The following TMEM135 variants were observed in gnomAD, a reference collection of about 807,000 sequenced individuals.
The protein encoded by TMEM135 is peroxisomal membrane protein 52.
A neutral mutation model predicts 60.3 loss-of-function variants in TMEM135; 30 were observed. The ratio of observed to expected loss-of-function variants is 0.50; its 90% CI spans 0.37 to 0.68. TMEM135 has a LOEUF of 0.68. TMEM135 is among the 30% of genes least tolerant of loss of function. TMEM135 has a pLI of 0.00. For missense variants in TMEM135, 468 were observed against 548.8 expected (o/e 0.85, Z 1.47); for synonymous variants, 190 against 186.7 (o/e 1.02, Z -0.14).
chr11:87,073,672 ATTTTT>A (rs762258659), intron 3 of TMEM135, among the ~76,000 whole-genome samples: 4 of 146,854 alleles, frequency 2.7e-5, no homozygotes, highest in Admixed American at 1.4e-4. Flanking sequence ...TGTTTATTTT[ATTTTT>A]TTTTTTTTGA....
intron 11 of TMEM135, 112 bp from the exon 12 acceptor site, chr11:87,314,359 G>A: frequency 3.5e-6 from 3 of 867,668 alleles, no homozygotes; most frequent in Admixed American, 2.0e-5. Flanking sequence ...CCTTGATTGT[G>A]TTGTAACAAG....
At chr11:87,132,320 T>C (rs1937956032) in intron 4 of TMEM135, among the ~76,000 whole-genome samples, 1 of 152,314 alleles carries the variant, frequency 6.6e-6, no homozygotes, top group East Asian at 1.9e-4. Context: ...AAGGCAGTGA[T>C]TGGCACATAG....
intron 2 of TMEM135, among the ~76,000 whole-genome samples, chr11:87,071,083 C>T (rs1196158195): frequency 1.3e-5 from 2 of 152,150 alleles, no homozygotes; most frequent in East Asian, 1.9e-4. Flanking sequence ...CCAGGGAATG[C>T]CTGAATGAAT....
At chr11:87,264,587 A>G (rs1941714597) in intron 6 of TMEM135, among the ~76,000 whole-genome samples, 2 of 151,840 alleles carry the variant, frequency 1.3e-5, no homozygotes, top group Admixed American at 1.3e-4. Flanking sequence ...TTCTTATGAA[A>G]TGTATTCAGA....
intron 8 of TMEM135, among the ~76,000 whole-genome samples, chr11:87,302,743 A>G (rs1393976988): frequency 1.3e-5 from 2 of 152,174 alleles, no homozygotes; most frequent in Admixed American, 6.5e-5. Context: ...ACTGATTACT[A>G]TGTGTTGATT....
intron 4 of TMEM135, among the ~76,000 whole-genome samples, chr11:87,120,717 C>T (rs1180226067): frequency 1.3e-5 from 2 of 151,980 alleles, no homozygotes; most frequent in Admixed American, 6.5e-5. Context: ...CCACCTGCCT[C>T]GGCCTCCCAA....
chr11:87,060,885 G>A (rs1392500857), intron 1 of TMEM135, among the ~76,000 whole-genome samples: 1 of 152,014 alleles, frequency 6.6e-6, no homozygotes, highest in Non-Finnish European at 1.5e-5. Context: ...CTCGTGATCT[G>A]CCCGCCTCGG....
chr11:87,100,608 T>A (rs1857436413), intron 4 of TMEM135, among the ~76,000 whole-genome samples: 2 of 152,128 alleles, frequency 1.3e-5, no homozygotes, highest in African/African-American at 4.8e-5. Flanking sequence ...AAAGTAAAAG[T>A]CATCTGTATT....
rs190269158 is a variant in TMEM135, at chr11:87,225,317, G to C, written c.463-11321G>C. ...AAGTAGGGGTAATGATCCCTACATC[G>C]CAGGGGTGTTTTGAGCATTACATGA... On this transcript the variant is annotated intron_variant, in intron 5 of 14. Transcript: ENST00000305494. Among the ~76,000 whole-genome samples, 8 of 152,062 alleles carry C rather than the reference G, an allele frequency of 5.3e-5. No homozygotes were observed. In the East Asian group the frequency reaches 1.4e-3, roughly 26 times the overall value.
chr11:87,173,299 C>A (rs375424788), intron 5 of TMEM135, among the ~76,000 whole-genome samples: 1 of 152,082 alleles, frequency 6.6e-6, no homozygotes, highest in Non-Finnish European at 1.5e-5. Flanking sequence ...TCATTGATAG[C>A]GTCCTAAAGG....
At chr11:87,183,135 ATTTTTTTTTT>A (rs772123636) in intron 5 of TMEM135, among the ~76,000 whole-genome samples, 2 of 92,608 alleles carry the variant, frequency 2.2e-5, no homozygotes, top group African/African-American at 8.8e-5. Context: ...GTAATCACTA[ATTTTTTTTTT>A]TTTTTTTTTT....
intron 6 of TMEM135, among the ~76,000 whole-genome samples, chr11:87,295,249 A>G (rs1474810058): frequency 6.6e-6 from 1 of 152,286 alleles, no homozygotes; most frequent in Non-Finnish European, 1.5e-5. Context: ...TCTGTTCTTC[A>G]TGCTCTGTGA....
At position 87,193,618 on chromosome 11, in the gene TMEM135, A is replaced by G. The variant is rs1006754700; in HGVS notation, c.462+36212A>G. Among the ~76,000 whole-genome samples the G allele has an allele frequency of 2.0e-5, 3 of 152,024 alleles. No homozygotes were observed. The East Asian group carries it at 5.8e-4, about 29-fold the overall frequency. ...TGTTAAGCTTTTGATTTTGTGGCTTATGTAATTAAGAATATCTGACTTCTC... is the reference window on the plus strand; with the variant it reads ...TGTTAAGCTTTTGATTTTGTGGCTTGTGTAATTAAGAATATCTGACTTCTC... On this transcript the variant is annotated intron_variant, in intron 5 of 14. Coordinates refer to ENST00000305494, the MANE Select transcript of TMEM135 (RefSeq NM_022918.4).
At chr11:87,165,450 T>A (rs1174036439) in intron 5 of TMEM135, among the ~76,000 whole-genome samples, 2 of 137,412 alleles carry the variant, frequency 1.5e-5, no homozygotes, top group African/African-American at 5.6e-5. Flanking sequence ...GCCAGTATTT[T>A]ATTGAGGATT....
intron 1 of TMEM135, among the ~76,000 whole-genome samples, chr11:87,041,690 T>A (rs1949751304): frequency 6.6e-6 from 1 of 152,220 alleles, no homozygotes; most frequent in South Asian, 2.1e-4. Context: ...AAACAGTGGT[T>A]TGTATTTAGA....
At chr11:87,193,960 T>C (rs563374929) in intron 5 of TMEM135, among the ~76,000 whole-genome samples, 1 of 152,126 alleles carries the variant, frequency 6.6e-6, no homozygotes. Context: ...GCCATAGGCT[T>C]GTTATCTTTG....
intron 6 of TMEM135, among the ~76,000 whole-genome samples, chr11:87,286,675 T>G (rs1942172835): frequency 6.6e-6 from 1 of 152,240 alleles, no homozygotes; most frequent in Non-Finnish European, 1.5e-5. Context: ...TGCATGAATT[T>G]TCTTTAGAAT....
intron 6 of TMEM135, among the ~76,000 whole-genome samples, chr11:87,240,227 G>A (rs1298159243): frequency 1.3e-5 from 2 of 152,036 alleles, no homozygotes; most frequent in East Asian, 1.9e-4. Context: ...AATATATCCT[G>A]AGGATGTTTT....
chr11:87,233,570 G>T (rs1325600953), intron 5 of TMEM135, among the ~76,000 whole-genome samples: 1 of 151,970 alleles, frequency 6.6e-6, no homozygotes, highest in Non-Finnish European at 1.5e-5. Context: ...TTATGAAATT[G>T]TACACTTTAA....
Sources: allele counts gnomAD v4.1 joint callset (sites outside exome capture counted in the v4.1 genomes callset), GRCh38; gene constraint gnomAD v4.1.1; transcripts MANE v1.5; gene names NCBI Gene and HGNC (gene_info 2026-07-23, HGNC 2026-07-21).